PSMB7: variants seen among roughly 807,000 people sequenced by gnomAD.
The protein encoded by PSMB7 is proteasome 20S subunit beta 7, also known as proteasome subunit beta type-7.
PSMB7 carries 5 observed loss-of-function variants against 28.1 expected under a neutral mutation model. The observed-to-expected ratio is 0.18, with a 90% CI of 0.09 to 0.37. PSMB7 has a LOEUF of 0.37. Ranked by LOEUF, PSMB7 falls within the 10% of genes least tolerant of loss-of-function variation. PSMB7 has a pLI of 1.00. For synonymous variants in PSMB7, 122 were observed against 123.7 expected (o/e 0.99, Z 0.09); for missense variants, 275 against 346.2 (o/e 0.79, Z 1.63).
chr9:124,402,859 A>C (rs965032859), intron 5 of PSMB7, among the ~76,000 whole-genome samples: 1 of 152,216 alleles, frequency 6.6e-6, no homozygotes, highest in African/African-American at 2.4e-5. Context: ...AATTACCATA[A>C]GTATCTTCAT....
chr9:124,377,107 T>TA (rs962062800), intron 6 of PSMB7, among the ~76,000 whole-genome samples: 2 of 152,108 alleles, frequency 1.3e-5, no homozygotes, highest in African/African-American at 4.8e-5. Context: ...ATTGAATAAC[T>TA]AAAAAAATAA....
intron 6 of PSMB7, among the ~76,000 whole-genome samples, chr9:124,374,688 G>T (rs1005275749): frequency 6.6e-6 from 1 of 151,974 alleles, no homozygotes; most frequent in Non-Finnish European, 1.5e-5. Context: ...AGCTGAGCAC[G>T]GTAGCACCCT....
chr9:124,397,755 G>T (rs766061529), intron 5 of PSMB7, among the ~76,000 whole-genome samples: 7 of 152,220 alleles, frequency 4.6e-5, no homozygotes, highest in Non-Finnish European at 8.8e-5. Context: ...ATTACAGAAA[G>T]CCTTGATTCC....
intron 5 of PSMB7, among the ~76,000 whole-genome samples, chr9:124,390,427 A>C (rs1273999568): frequency 6.6e-6 from 1 of 152,230 alleles, no homozygotes; most frequent in East Asian, 1.9e-4. Flanking sequence ...GGAAAAAAAA[A>C]ATACCTGGAA....
rs1163808767 is a variant in PSMB7 at position 124,356,353 on chromosome 9, T to C, written c.722+411A>G. On this transcript the variant is annotated intron_variant, in intron 7 of 7. Transcript: ENST00000259457. This position sits in a 1 kb window ranked among gnomAD's most constrained non-coding sequence, Gnocchi z 4.4. ...GCTCCCAAGGCCACCTCTGGGAGGC[T>C]GTTAGCATTGCTGACTTACACCCAG... Among the ~76,000 whole-genome samples, 2 of 152,196 alleles carry C rather than the reference T, an allele frequency of 1.3e-5. No individual in the cohort carries two copies. The highest frequency in any genetic ancestry group is 2.9e-5 in the Non-Finnish European group (2 of 68,038).
Position 124,415,398 on chromosome 9 carries a change from G to T in PSMB7, c.28C>A (p.Pro10Thr). Residue 10 changes from proline (P) to threonine (T), a missense_variant, in exon 1 of 8, where the codon CCA becomes ACA. Pro to Thr is a conservative substitution (Grantham distance 38). Coordinates refer to ENST00000259457, the MANE Select transcript of PSMB7 (RefSeq NM_002799.4). ...TTATCAAAAGAGAAGCCTCCAACTG[G>T]TGGAGCATACACCGACACAGCCGCC... MAAVSVYAPPVGGFSFDNCR... is the reference protein window; with the variant it reads MAAVSVYAPTVGGFSFDNCR... 1 of 1,614,132 alleles carries T rather than the reference G, an allele frequency of 6.2e-7. No individual in the cohort carries two copies.
chr9:124,405,642 G>A (rs1381460507), intron 4 of PSMB7, among the ~76,000 whole-genome samples: 1 of 152,066 alleles, frequency 6.6e-6, no homozygotes, highest in Non-Finnish European at 1.5e-5. Context: ...ATTATGTGAG[G>A]CACTCCACAC....
At chr9:124,405,069 T>C (rs182377813) in intron 5 of PSMB7, among the ~76,000 whole-genome samples, 94 of 152,286 alleles carry the variant, frequency 6.2e-4, no homozygotes, top group African/African-American at 2.0e-3. Flanking sequence ...CAGTTGTTTA[T>C]TGTCTATTTA....
intron 5 of PSMB7, among the ~76,000 whole-genome samples, chr9:124,395,056 G>T (rs1328245932): frequency 1.3e-5 from 2 of 152,120 alleles, no homozygotes. Flanking sequence ...AAAATACTAT[G>T]CACCAAACAT....
At chr9:124,365,566 T>C (rs1830499697) in intron 6 of PSMB7, among the ~76,000 whole-genome samples, 1 of 152,234 alleles carries the variant, frequency 6.6e-6, no homozygotes, top group Non-Finnish European at 1.5e-5. Flanking sequence ...TACAGTCATG[T>C]ACCACGTAAC....
At chr9:124,412,269 T>C (rs546974113) in intron 4 of PSMB7, 83 bp downstream of exon 4, 1 of 1,366,058 alleles carries the variant, frequency 7.3e-7, no homozygotes, top group African/African-American at 1.5e-5. Flanking sequence ...GTGTTTTTGC[T>C]ACTTTCCAGG....
chr9:124,378,816 A>G (rs1433299153), intron 6 of PSMB7, among the ~76,000 whole-genome samples: 3 of 152,378 alleles, frequency 2.0e-5, no homozygotes, highest in South Asian at 2.1e-4. Context: ...TTCAAGATAC[A>G]TATCTGCCAA....
intron 4 of PSMB7, among the ~76,000 whole-genome samples, chr9:124,410,872 G>C (rs1242856469): frequency 6.6e-6 from 1 of 152,222 alleles, no homozygotes; most frequent in Non-Finnish European, 1.5e-5. Flanking sequence ...CAGAGAAAGT[G>C]ACAGAGCACC....
At chr9:124,399,975 C>G (rs959089821) in intron 5 of PSMB7, among the ~76,000 whole-genome samples, 8 of 152,202 alleles carry the variant, frequency 5.3e-5, no homozygotes, top group Non-Finnish European at 1.0e-4. Context: ...CAAAACAGCT[C>G]TGCCTGCAGC....
chr9:124,355,699 G>A (rs1830397293), intron 7 of PSMB7, among the ~76,000 whole-genome samples: 1 of 152,146 alleles, frequency 6.6e-6, no homozygotes, highest in Non-Finnish European at 1.5e-5. Flanking sequence ...GAGGTCATCT[G>A]GTTTAGCTCC....
At chr9:124,370,166 A>G (rs1323795540) in intron 6 of PSMB7, among the ~76,000 whole-genome samples, 1 of 150,898 alleles carries the variant, frequency 6.6e-6, no homozygotes, top group Non-Finnish European at 1.5e-5. Context: ...AACTTCCCCT[A>G]TTACACTCTG....
chr9:124,390,295 T>C (rs567673612), intron 5 of PSMB7, among the ~76,000 whole-genome samples: 3 of 152,190 alleles, frequency 2.0e-5, no homozygotes, highest in Non-Finnish European at 4.4e-5. Context: ...AAACATCGAT[T>C]GGAAATCATA....
chr9:124,367,318 G>A (rs1830517736), intron 6 of PSMB7, among the ~76,000 whole-genome samples: 1 of 152,090 alleles, frequency 6.6e-6, no homozygotes, highest in African/African-American at 2.4e-5. Flanking sequence ...TAACTTCTTG[G>A]CAATTATTTT....
intron 5 of PSMB7, among the ~76,000 whole-genome samples, chr9:124,386,993 T>C (rs1284232298): frequency 6.6e-6 from 1 of 152,212 alleles, no homozygotes; most frequent in Non-Finnish European, 1.5e-5. Context: ...ACGCCTGTAA[T>C]CCCAGAACTT....
Sources: allele counts gnomAD v4.1 joint callset (sites outside exome capture counted in the v4.1 genomes callset), GRCh38; gene constraint gnomAD v4.1.1; non-coding constraint Gnocchi (gnomAD v3.1); transcripts MANE v1.5; gene names NCBI Gene and HGNC (gene_info 2026-07-23, HGNC 2026-07-21).